FHOD3: variants seen among roughly 807,000 people sequenced by gnomAD.
FHOD3 encodes FH1/FH2 domain-containing protein 3.
A neutral mutation model predicts 173.0 loss-of-function variants in FHOD3; 90 were observed. The ratio of observed to expected loss-of-function variants is 0.52; its 90% CI spans 0.44 to 0.62. FHOD3 has a LOEUF of 0.62. Ranked by LOEUF, FHOD3 falls within the 20% of genes least tolerant of loss-of-function variation. The pLI, the probability that FHOD3 is intolerant of heterozygous loss-of-function variation, is 0.00. For synonymous variants in FHOD3, 828 were observed against 823.0 expected, an observed-to-expected ratio of 1.01 and a Z score of -0.10; for missense variants, 1,945 against 2,034.7, an observed-to-expected ratio of 0.96 and a Z score of 0.85.
intron 10 of FHOD3, among the ~76,000 whole-genome samples, chr18:36,643,940 G>A (rs368665128): frequency 3.3e-5 from 5 of 152,254 alleles, no homozygotes; most frequent in African/African-American, 1.2e-4. Context: ...TTCTGAAAGA[G>A]CTCAGCAACA....
chr18:36,459,816 G>A (rs1315131083), intron 3 of FHOD3, among the ~76,000 whole-genome samples: 2 of 152,124 alleles, frequency 1.3e-5, no homozygotes, highest in Admixed American at 6.6e-5. Context: ...CACAATTAAT[G>A]TTATCTAGAG....
intron 5 of FHOD3, among the ~76,000 whole-genome samples, chr18:36,568,230 C>G (rs1246054489): frequency 7.0e-6 from 1 of 143,370 alleles, no homozygotes; most frequent in Non-Finnish European, 1.5e-5. Context: ...TCCAGCTACT[C>G]GGGAGGCTGA....
intron 1 of FHOD3, among the ~76,000 whole-genome samples, chr18:36,326,340 T>A (rs1266993367): frequency 1.3e-5 from 2 of 152,262 alleles, no homozygotes; most frequent in African/African-American, 4.8e-5. Flanking sequence ...AACATTGTCC[T>A]AATAGAACTT....
chr18:36,453,505 C>G (rs2051986641), intron 3 of FHOD3, among the ~76,000 whole-genome samples: 1 of 152,254 alleles, frequency 6.6e-6, no homozygotes, highest in Non-Finnish European at 1.5e-5. Flanking sequence ...CCCCTACGTG[C>G]TCTGCGCAAT....
intron 3 of FHOD3, among the ~76,000 whole-genome samples, chr18:36,494,574 G>A (rs756425881): frequency 1.3e-5 from 2 of 152,156 alleles, no homozygotes; most frequent in African/African-American, 2.4e-5. Context: ...TTGGCCAAGT[G>A]CAAGCTGTAC....
In FHOD3 at chr18:36,377,570, T is replaced by C. The variant is rs540028942; in HGVS notation, c.337+4826T>C. On this transcript the variant is annotated intron_variant, in intron 3 of 28. Transcript: ENST00000590592. ...TTGTTCTGACAGCACCTGAGTGCTG[T>C]TTCTGTGCTAGCTAGTAAAGATGAG... 6.4e-4 allele frequency among the ~76,000 whole-genome samples: 98 copies of C among 152,320 alleles called. 1 individual carries two copies. The highest frequency in any genetic ancestry group is 1.0e-3 in the South Asian group (5 of 4,824).
At chr18:36,643,234 T>A (rs28587438) in intron 10 of FHOD3, among the ~76,000 whole-genome samples, 1 of 152,102 alleles carries the variant, frequency 6.6e-6, no homozygotes, top group Non-Finnish European at 1.5e-5. Flanking sequence ...GGTGCTTCAG[T>A]ATCCCTAGGG....
At chr18:36,731,055 TGGA>T (rs1197644464) in intron 20 of FHOD3, among the ~76,000 whole-genome samples, 1 of 152,186 alleles carries the variant, frequency 6.6e-6, no homozygotes, top group Non-Finnish European at 1.5e-5. Context: ...TACCTCAAAA[TGGA>T]AGAAGACTAT....
At chr18:36,378,662 C>A (rs1389597296) in intron 3 of FHOD3, among the ~76,000 whole-genome samples, 2 of 143,646 alleles carry the variant, frequency 1.4e-5, no homozygotes, top group African/African-American at 5.1e-5. Context: ...TATTAACATA[C>A]ATGAGAGTGT....
chr18:36,548,921 A>T (rs2057526379), intron 5 of FHOD3, among the ~76,000 whole-genome samples: 1 of 152,200 alleles, frequency 6.6e-6, no homozygotes, highest in Non-Finnish European at 1.5e-5. Context: ...AGATGTTTTT[A>T]TTTCTCTGTG....
At chr18:36,725,860 A>G (rs763420152) in intron 19 of FHOD3, among the ~76,000 whole-genome samples, 3 of 152,200 alleles carry the variant, frequency 2.0e-5, no homozygotes, top group Non-Finnish European at 4.4e-5. Context: ...ACCATTGTAT[A>G]GAGCTTTTTC....
At chr18:36,433,497 A>G (rs16967859) in intron 3 of FHOD3, among the ~76,000 whole-genome samples, 1,668 of 152,318 alleles carry the variant, frequency 0.011, 35 homozygotes, top group African/African-American at 0.038. Context: ...AATTTATTCA[A>G]TTCAACACGT....
chr18:36,357,499 C>T (rs2046416534), intron 2 of FHOD3, among the ~76,000 whole-genome samples: 1 of 152,166 alleles, frequency 6.6e-6, no homozygotes, highest in African/African-American at 2.4e-5. Context: ...GGATACCCTT[C>T]TTGTCTCCAG....
At chr18:36,459,319 G>A (rs1328881450) in intron 3 of FHOD3, among the ~76,000 whole-genome samples, 1 of 152,234 alleles carries the variant, frequency 6.6e-6, no homozygotes, top group African/African-American at 2.4e-5. Flanking sequence ...AGAGAAGGTG[G>A]AAAATAAGTA....
intron 3 of FHOD3, among the ~76,000 whole-genome samples, chr18:36,404,321 T>C (rs1270803287): frequency 1.3e-5 from 2 of 152,182 alleles, no homozygotes; most frequent in African/African-American, 2.4e-5. Context: ...CTCTTACTGC[T>C]CTGTGACCTC....
At chr18:36,712,296 C>A (rs937978780) in intron 18 of FHOD3, among the ~76,000 whole-genome samples, 1 of 152,090 alleles carries the variant, frequency 6.6e-6, no homozygotes, top group African/African-American at 2.4e-5. Flanking sequence ...CTGAGATGAG[C>A]CAGACATTGG....
chr18:36,415,427 AAG>A (rs1491464033), intron 3 of FHOD3, among the ~76,000 whole-genome samples: 1 of 152,196 alleles, frequency 6.6e-6, no homozygotes, highest in African/African-American at 2.4e-5. Context: ...GAGCAAGAGA[AAG>A]GGGAGAAAAA....
chr18:36,742,691 C>T (rs779100194), intron 21 of FHOD3, 46 bp from the exon 22 acceptor site: 1 of 1,585,326 alleles, frequency 6.3e-7, no homozygotes, highest in Non-Finnish European at 8.6e-7. Context: ...ACAAAGTAAA[C>T]CCAAATTGTA....
intron 10 of FHOD3, among the ~76,000 whole-genome samples, chr18:36,638,487 C>T (rs1347958959): frequency 6.6e-6 from 1 of 152,180 alleles, no homozygotes; most frequent in Non-Finnish European, 1.5e-5. Flanking sequence ...ATTTGAAAAG[C>T]TGCCTATCTG....
Sources: gnomAD v4.1 joint callset for allele counts (sites outside exome capture counted in the v4.1 genomes callset) on GRCh38, gnomAD v4.1.1 for gene constraint, MANE v1.5 for transcripts, NCBI Gene and HGNC (gene_info 2026-07-23, HGNC 2026-07-21) for gene names.